The following MGAT3 variants were observed in gnomAD, a reference collection of about 807,000 sequenced individuals.
MGAT3 encodes beta-1,4-mannosyl-glycoprotein 4-beta-N-acetylglucosaminyltransferase.
Under a neutral mutation model 29.8 loss-of-function variants are expected in MGAT3, and 9 were observed. The observed-to-expected ratio is 0.30, with a 90% CI of 0.18 to 0.53. The LOEUF is 0.53. MGAT3 is among the 20% of genes least tolerant of loss of function. The pLI is 0.96. For missense variants in MGAT3, 557 were observed against 769.5 expected, an observed-to-expected ratio of 0.72 and a Z score of 3.27; for synonymous variants, 397 against 348.9, an observed-to-expected ratio of 1.14 and a Z score of -1.54.
At chr22:39,483,172 C>A (rs1929176011) in intron 1 of MGAT3, among the ~76,000 whole-genome samples, 1 of 152,194 alleles carries the variant, frequency 6.6e-6, no homozygotes. Flanking sequence ...AGAGTGTCCC[C>A]CTCAGAGGCA....
At chr22:39,485,272 G>C (rs1165040976) in intron 1 of MGAT3, among the ~76,000 whole-genome samples, 1 of 152,154 alleles carries the variant, frequency 6.6e-6, no homozygotes, top group Non-Finnish European at 1.5e-5. Flanking sequence ...AAATGAGCTG[G>C]ATGGCTACGG....
chr22:39,463,562 T>C lies in MGAT3; in HGVS notation c.-2+6005T>C, dbSNP rs546121029. ...GGGCGGCCTGCGTAAAGTACCTGTTTGCCAGACCCTAGCCAGCCCTGCTGA... is the reference window on the plus strand; with the variant it reads ...GGGCGGCCTGCGTAAAGTACCTGTTCGCCAGACCCTAGCCAGCCCTGCTGA... On this transcript the variant is annotated intron_variant, in intron 1 of 1. Transcript: ENST00000341184. Among the ~76,000 whole-genome samples the C allele has an allele frequency of 2.0e-5, 3 of 152,288 alleles. No individual in the cohort carries two copies. In the South Asian group the frequency reaches 6.2e-4, roughly 32 times the overall value.
chr22:39,485,145 C>G (rs1929235233), intron 1 of MGAT3, among the ~76,000 whole-genome samples: 1 of 152,236 alleles, frequency 6.6e-6, no homozygotes, highest in Non-Finnish European at 1.5e-5. Context: ...TTTTCTGTGA[C>G]TCAGTGGGTT....
rs1458330410 is a variant in MGAT3 at position 39,487,453 on chromosome 22, C to T, written c.106C>T (p.Arg36Ter). 4 of 1,613,800 alleles carry T rather than the reference C, an allele frequency of 2.5e-6. No homozygotes were observed. Among genetic ancestry groups the T allele is most frequent in the Admixed American group, 1.7e-5 (1 of 60,020 alleles). ...GACCCTGTCCTATGTCACCTTCCCC[C>T]GAGAACTGGCCTCCCTCAGCCCTAA... Reference protein sequence around the residue: ...FKTLSYVTFPRELASLSPNLV... With the variant: ...FKTLSYVTFP Residue 36 changes from arginine to a stop codon, truncating the protein, a stop_gained, in exon 2 of 2, where the codon CGA (arginine) becomes TGA (stop). Coordinates refer to ENST00000341184, the MANE Select transcript of MGAT3 (RefSeq NM_002409.5). LOFTEE classifies it high-confidence loss of function. The surrounding 1 kb of genome is among the most constrained non-coding windows in gnomAD (Gnocchi z 5.7).
At chr22:39,476,636 T>G (rs1191332379) in intron 1 of MGAT3, 4 of 152,076 alleles carry the variant, frequency 2.6e-5, no homozygotes, top group Non-Finnish European at 5.9e-5. Context: ...AGGCCACTTG[T>G]GTTGAGCCTG....
At chr22:39,484,602 A>G (rs1601729110) in intron 1 of MGAT3, among the ~76,000 whole-genome samples, 4 of 151,676 alleles carry the variant, frequency 2.6e-5, no homozygotes, top group Admixed American at 2.0e-4. Context: ...CAAACTCCTG[A>G]CCTCTGGTGA....
At position 39,490,863 on chromosome 22, in the gene MGAT3, G is replaced by A. The variant is rs1929434446; in HGVS notation, c.*1914G>A. On this transcript the variant is annotated 3_prime_UTR_variant, in exon 2 of 2. Coordinates refer to ENST00000341184, the MANE Select transcript of MGAT3 (RefSeq NM_002409.5). Reference sequence around the variant, plus strand: ...CCTCGGGCCTGTGGCCACACCTCCTGCAGCTCCCCAAAATGACTGAGGCAG... The same window carrying A: ...CCTCGGGCCTGTGGCCACACCTCCTACAGCTCCCCAAAATGACTGAGGCAG... 6.0e-6 allele frequency: 1 copy of A among 166,912 alleles called. No homozygotes were observed. The allele number at this position is 166,912 out of a possible 1,614,324, so 10.3% of individuals were successfully genotyped here.
rs1392873257 is a variant in MGAT3 at position 39,490,534 on chromosome 22, CAG to C, written c.*1588_*1589del. The stretch of plus-strand genomic sequence containing the variant: ...AGTCGTCGGATCCAGCTCTCATTGT[CAG>C]AGTTTCCGGAACAGCTTGCTCCTGT... On this transcript the variant is annotated 3_prime_UTR_variant, in exon 2 of 2. Coordinates refer to ENST00000341184, the MANE Select transcript of MGAT3 (RefSeq NM_002409.5). 6.0e-6 allele frequency: 1 copy of C among 167,252 alleles called. No individual in the cohort carries two copies. Among genetic ancestry groups the C allele is most frequent in the Non-Finnish European group, 1.5e-5 (1 of 68,148 alleles). 10.4% of individuals were successfully genotyped at this position (167,252 alleles called of 1,614,324 possible).
intron 1 of MGAT3, among the ~76,000 whole-genome samples, chr22:39,467,318 C>G (rs1928676353): frequency 6.6e-6 from 1 of 152,074 alleles, no homozygotes. Flanking sequence ...GGGCAGCATC[C>G]TGGAGAGATG....
rs145267339 is a variant in MGAT3 at position 39,488,265 on chromosome 22, C to G, written c.918C>G (p.Asn306Lys). Residue 306 changes from asparagine (N) to lysine (K), a missense_variant, in exon 2 of 2, where the codon AAC becomes AAG. This residue lies in a region of MGAT3 where 243 missense variants were observed against 444.0 expected (regional missense o/e 0.55). Transcript: ENST00000341184. ...AGGACGGCGTCTCGCGGCTGCGCAACCTGCGGCCCGACGACGTCTTCATCA... is the reference window on the plus strand; with the variant it reads ...AGGACGGCGTCTCGCGGCTGCGCAAGCTGCGGCCCGACGACGTCTTCATCA... ...LTQDGVSRLRNLRPDDVFIID... is the reference protein window; with the variant it reads ...LTQDGVSRLRKLRPDDVFIID... 1.2e-5 allele frequency: 20 copies of G among 1,611,480 alleles called. No homozygotes were observed. The highest frequency in any genetic ancestry group is 1.7e-5 in the Admixed American group (1 of 60,000).
intron 1 of MGAT3, among the ~76,000 whole-genome samples, chr22:39,481,371 C>T (rs1180758238): frequency 6.6e-6 from 1 of 152,234 alleles, no homozygotes; most frequent in Non-Finnish European, 1.5e-5. Context: ...AGCACAGCCT[C>T]TTTGGGCGCG....
chr22:39,470,217 GA>G (rs1417681041), intron 1 of MGAT3, among the ~76,000 whole-genome samples: 1 of 152,190 alleles, frequency 6.6e-6, no homozygotes, highest in Non-Finnish European at 1.5e-5. Context: ...GCGCTGGGGG[GA>G]CAGCCTGGAG....
chr22:39,478,741 C>G (rs1216971565), intron 1 of MGAT3, among the ~76,000 whole-genome samples: 4 of 152,244 alleles, frequency 2.6e-5, no homozygotes, highest in Non-Finnish European at 4.4e-5. Context: ...CCTCCCTTCT[C>G]CCTGGCCAGA....
Position 39,491,154 on chromosome 22 carries a change from C to T in MGAT3, c.*2205C>T, listed in dbSNP as rs143643435. 1 of 167,504 alleles carries T rather than the reference C, an allele frequency of 6.0e-6. No individual in the cohort carries two copies. Among genetic ancestry groups the T allele is most frequent in the Non-Finnish European group, 1.5e-5 (1 of 68,242 alleles). 10.4% of individuals were successfully genotyped at this position (167,504 alleles called of 1,614,324 possible). On this transcript the variant is annotated 3_prime_UTR_variant, in exon 2 of 2. Coordinates refer to ENST00000341184, the MANE Select transcript of MGAT3 (RefSeq NM_002409.5). This position sits in a 1 kb window ranked among gnomAD's most constrained non-coding sequence, Gnocchi z 5.5. ...GGGCATCTTCTTGCGACAGCACTGTCTGGGTTAAGTGCCCAGTGAGGGCAT... is the reference window on the plus strand; with the variant it reads ...GGGCATCTTCTTGCGACAGCACTGTTTGGGTTAAGTGCCCAGTGAGGGCAT...
At chr22:39,468,179 C>T (rs139823582) in intron 1 of MGAT3, among the ~76,000 whole-genome samples, 2 of 152,326 alleles carry the variant, frequency 1.3e-5, no homozygotes, top group Non-Finnish European at 2.9e-5. Context: ...CTGTCAGGAC[C>T]ACCCCCAGCA....
intron 1 of MGAT3, among the ~76,000 whole-genome samples, chr22:39,460,391 A>G (rs1296000948): frequency 3.3e-5 from 5 of 152,162 alleles, no homozygotes; most frequent in Non-Finnish European, 5.9e-5. Flanking sequence ...AGAGTCACTA[A>G]AAGTAGGGAT....
intron 1 of MGAT3, among the ~76,000 whole-genome samples, chr22:39,467,444 A>G (rs556988292): frequency 9.0e-4 from 137 of 152,182 alleles, no homozygotes; most frequent in Non-Finnish European, 1.7e-3. Context: ...TCGCTTTGGG[A>G]GTGCAGGCAG....
chr22:39,471,059 C>A (rs901632572), intron 1 of MGAT3, among the ~76,000 whole-genome samples: 6 of 152,060 alleles, frequency 3.9e-5, no homozygotes, highest in African/African-American at 1.4e-4. Flanking sequence ...TCCTGGGCCT[C>A]CTTTGTTATC....
chr22:39,489,059 T>TTGTGGGGGGCACCAGGTGGGG lies in MGAT3; in HGVS notation c.*110_*111insTGTGGGGGGCACCAGGTGGGG. On this transcript the variant is annotated 3_prime_UTR_variant, in exon 2 of 2. Coordinates refer to ENST00000341184, the MANE Select transcript of MGAT3 (RefSeq NM_002409.5). Reference sequence around the variant, plus strand: ...GGTTCTTGAGGGGACCAGGAGTGGGTGGGGAGTGGGGGTGGGGGTAGGGTT... The same window carrying TTGTGGGGGGCACCAGGTGGGG: ...GGTTCTTGAGGGGACCAGGAGTGGGTTGTGGGGGGCACCAGGTGGGGGGGGAGTGGGGGTGGGGGTAGGGTT... 2.3e-6 allele frequency: 1 copy of TTGTGGGGGGCACCAGGTGGGG among 431,772 alleles called. No individual in the cohort carries two copies. Among genetic ancestry groups the TTGTGGGGGGCACCAGGTGGGG allele is most frequent in the Non-Finnish European group, 3.8e-6 (1 of 259,920 alleles). 26.7% of individuals were successfully genotyped at this position (431,772 alleles called of 1,614,324 possible). A position where few individuals can be genotyped will look rare whatever the true frequency, so the allele number is the denominator to read the frequency against.
Sources: allele counts gnomAD v4.1 joint callset (sites outside exome capture counted in the v4.1 genomes callset), GRCh38; gene constraint gnomAD v4.1.1; regional missense constraint gnomAD v4.1.1; non-coding constraint Gnocchi (gnomAD v3.1); transcripts MANE v1.5; gene names NCBI Gene and HGNC (gene_info 2026-07-23, HGNC 2026-07-21).